MAML2: variants seen among roughly 807,000 people sequenced by gnomAD.
The protein encoded by MAML2 is mastermind-like protein 2.
A neutral mutation model predicts 96.1 loss-of-function variants in MAML2; 22 were observed. The ratio of observed to expected loss-of-function variants is 0.23; its 90% CI spans 0.16 to 0.33. The LOEUF (loss-of-function observed/expected upper bound fraction) is 0.33. Ranked by LOEUF, MAML2 falls within the 10% of genes least tolerant of loss-of-function variation. The pLI, the probability that MAML2 is intolerant of heterozygous loss-of-function variation, is 1.00. For synonymous variants in MAML2, 561 were observed against 521.3 expected (o/e 1.08, Z -1.04); for missense variants, 1,367 against 1,392.4 (o/e 0.98, Z 0.29).
chr11:96,195,889 C>A (rs1565244922), intron 1 of MAML2, among the ~76,000 whole-genome samples: 1 of 152,170 alleles, frequency 6.6e-6, no homozygotes, highest in African/African-American at 2.4e-5. Flanking sequence ...CAGTAAGTCA[C>A]AAAAGAGTTA....
intron 1 of MAML2, among the ~76,000 whole-genome samples, chr11:96,328,042 G>A (rs1863808962): frequency 6.6e-6 from 1 of 152,100 alleles, no homozygotes; most frequent in East Asian, 1.9e-4. Flanking sequence ...GTTACAGTGA[G>A]CCAAGATTGT....
intron 2 of MAML2, among the ~76,000 whole-genome samples, chr11:96,011,514 C>T (rs1486966722): frequency 6.6e-6 from 1 of 152,056 alleles, no homozygotes; most frequent in Non-Finnish European, 1.5e-5. Context: ...GAGAGCTAAA[C>T]ATTGAGTACA....
At position 95,977,627 on chromosome 11, in the gene MAML2, G is replaced by A. The variant is rs904009611; in HGVS notation, c.*1321C>T. The A allele has an allele frequency of 1.4e-5, 3 of 215,292 alleles. No homozygotes were observed. Among genetic ancestry groups the A allele is most frequent in the African/African-American group, 4.5e-5 (2 of 44,394 alleles). 13.3% of individuals were successfully genotyped at this position (215,292 alleles called of 1,614,324 possible). Reference sequence around the variant, plus strand: ...CAGCACACGTCTTCCCCATTTTACAGCTGATCTGGATGTGGACACTAAGGT... The same window carrying A: ...CAGCACACGTCTTCCCCATTTTACAACTGATCTGGATGTGGACACTAAGGT... On this transcript the variant is annotated 3_prime_UTR_variant, in exon 5 of 5. Transcript: ENST00000524717.
At position 96,295,937 on chromosome 11, in the gene MAML2, A is replaced by AACACACACAC. The variant is rs56231526; in HGVS notation, c.513+45436_513+45445dup. On this transcript the variant is annotated intron_variant, in intron 1 of 4. Coordinates refer to ENST00000524717, the MANE Select transcript of MAML2 (RefSeq NM_032427.4). ...AAATCCATTTCACATCAGAACAGTA[A>AACACACACAC]ACACACACACACACACACACACACA... Among the ~76,000 whole-genome samples the AACACACACAC allele has an allele frequency of 7.8e-4, 108 of 137,880 alleles. 1 individual carries two copies. Among genetic ancestry groups the AACACACACAC allele is most frequent in the East Asian group, 3.7e-3 (17 of 4,572 alleles). 90.5% of individuals were successfully genotyped at this position (137,880 alleles called of 152,430 possible). A position where few individuals can be genotyped will look rare whatever the true frequency, so the allele number is the denominator to read the frequency against.
intron 1 of MAML2, among the ~76,000 whole-genome samples, chr11:96,323,995 T>A (rs1863742782): frequency 6.6e-6 from 1 of 152,258 alleles, no homozygotes; most frequent in African/African-American, 2.4e-5. Flanking sequence ...CCCTAGACAT[T>A]CATTCTGAAT....
In MAML2 at chr11:96,254,167, C is replaced by T. The variant is rs190128102; in HGVS notation, c.513+87216G>A. 3.0e-4 allele frequency among the ~76,000 whole-genome samples: 45 copies of T among 152,262 alleles called. 1 individual carries two copies. In the East Asian group the frequency reaches 6.8e-3, roughly 23 times the overall value. On this transcript the variant is annotated intron_variant, in intron 1 of 4. Transcript: ENST00000524717. The stretch of plus-strand genomic sequence containing the variant: ...TCTACACAAAAACAAAAACAGTCAT[C>T]GGAGACTTTCACTCAATACAAAGTT...
chr11:96,294,565 G>A (rs1863263365), intron 1 of MAML2, among the ~76,000 whole-genome samples: 1 of 152,174 alleles, frequency 6.6e-6, no homozygotes, highest in African/African-American at 2.4e-5. Flanking sequence ...AGACAGCAGA[G>A]ATCACTATTC....
chr11:96,199,196 CAAAAAAA>C (rs71459791), intron 1 of MAML2, among the ~76,000 whole-genome samples: 70 of 58,612 alleles, frequency 1.2e-3, no homozygotes, highest in African/African-American at 4.5e-3. Flanking sequence ...GCCTCCGTCT[CAAAAAAA>C]AAAAAAAAAA....
chr11:96,194,116 T>C lies in MAML2; in HGVS notation c.514-100599A>G, dbSNP rs115534335. ...CCTCAAAATAAGAAACAAAAAATTA[T>C]AGTTGCAGAAATAAAAGAAAGGCCG... On this transcript the variant is annotated intron_variant, in intron 1 of 4. Transcript: ENST00000524717. 2.5e-3 allele frequency among the ~76,000 whole-genome samples: 379 copies of C among 152,346 alleles called. 1 individual carries two copies. The highest frequency in any genetic ancestry group is 8.8e-3 in the African/African-American group (365 of 41,578).
At chr11:96,274,836 A>G (rs764218600) in intron 1 of MAML2, among the ~76,000 whole-genome samples, 2 of 152,238 alleles carry the variant, frequency 1.3e-5, no homozygotes, top group Non-Finnish European at 2.9e-5. Flanking sequence ...AAGAAAATAA[A>G]TATCACCTGA....
At chr11:96,032,838 C>T (rs1409602630) in intron 2 of MAML2, among the ~76,000 whole-genome samples, 3 of 152,092 alleles carry the variant, frequency 2.0e-5, no homozygotes. Flanking sequence ...AAATTCTGTA[C>T]AACACTACAG....
At position 96,150,821 on chromosome 11, in the gene MAML2, C is replaced by T. The variant is rs76758685; in HGVS notation, c.514-57304G>A. 3.9e-5 allele frequency among the ~76,000 whole-genome samples: 6 copies of T among 152,108 alleles called. No homozygotes were observed. The East Asian group carries it at 1.2e-3, about 29-fold the overall frequency. On this transcript the variant is annotated intron_variant, in intron 1 of 4. Coordinates refer to ENST00000524717, the MANE Select transcript of MAML2 (RefSeq NM_032427.4). ...CCCTGCTTGACAGTTTCCAGGCCTCCCCAACTCTAGTTTATTTTGCCTCCC... is the reference window on the plus strand; with the variant it reads ...CCCTGCTTGACAGTTTCCAGGCCTCTCCAACTCTAGTTTATTTTGCCTCCC...
chr11:96,157,499 T>TA (rs1379574034), intron 1 of MAML2, among the ~76,000 whole-genome samples: 7 of 152,364 alleles, frequency 4.6e-5, no homozygotes, highest in Middle Eastern at 3.4e-3. Flanking sequence ...CTGACCCACT[T>TA]AAATGTTACC....
At chr11:96,314,749 G>A (rs982159019) in intron 1 of MAML2, among the ~76,000 whole-genome samples, 5 of 152,078 alleles carry the variant, frequency 3.3e-5, no homozygotes, top group Non-Finnish European at 7.4e-5. Context: ...GACTCATTTT[G>A]TACCCAATAT....
intron 1 of MAML2, among the ~76,000 whole-genome samples, chr11:96,240,906 G>T (rs1273168523): frequency 5.9e-5 from 9 of 152,088 alleles, no homozygotes; most frequent in African/African-American, 2.2e-4. Context: ...TCCTGAAATA[G>T]CACTCAAATA....
At chr11:96,341,322 C>T (rs981384325) in intron 1 of MAML2, 61 bp downstream of exon 1, 2 of 1,467,904 alleles carry the variant, frequency 1.4e-6, no homozygotes, top group Non-Finnish European at 1.8e-6. Context: ...CCAAAGCAAA[C>T]TCTACCCTCA....
chr11:96,162,683 C>T (rs1861129404), intron 1 of MAML2, among the ~76,000 whole-genome samples: 3 of 146,410 alleles, frequency 2.0e-5, no homozygotes, highest in African/African-American at 7.6e-5. Flanking sequence ...TGCACTCCAG[C>T]CTGGGCCAAA....
chr11:96,259,291 G>A (rs867161056), intron 1 of MAML2, among the ~76,000 whole-genome samples: 60 of 152,202 alleles, frequency 3.9e-4, no homozygotes, highest in Admixed American at 7.2e-4. Context: ...TGTGTTGATA[G>A]ACTATGGGGA....
At chr11:96,142,912 G>A (rs999190851) in intron 1 of MAML2, among the ~76,000 whole-genome samples, 4 of 152,190 alleles carry the variant, frequency 2.6e-5, no homozygotes, top group Admixed American at 2.0e-4. Flanking sequence ...AAAACCAGAA[G>A]CTGATGATCT....
Sources: gnomAD v4.1 joint callset for allele counts (sites outside exome capture counted in the v4.1 genomes callset) on GRCh38, gnomAD v4.1.1 for gene constraint, MANE v1.5 for transcripts, NCBI Gene and HGNC (gene_info 2026-07-23, HGNC 2026-07-21) for gene names.